Variants in ATP9A observed in about 807,000 individuals in gnomAD.
The protein encoded by ATP9A is ATPase phospholipid transporting 9A.
ATP9A carries 52 observed loss-of-function variants against 144.1 expected under a neutral mutation model. The observed-to-expected ratio is 0.36, with a 90% CI of 0.29 to 0.45. The LOEUF is 0.45. Among genes scored for constraint, ATP9A ranks in the 20% least tolerant of loss-of-function variants. The pLI, the probability that ATP9A is intolerant of heterozygous loss-of-function variation, is 1.00. For missense variants in ATP9A, 947 were observed against 1,392.7 expected (o/e 0.68, Z 5.09); for synonymous variants, 582 against 557.4 (o/e 1.04, Z -0.62).
chr20:51,672,825 T>C (rs1020043868), intron 11 of ATP9A, among the ~76,000 whole-genome samples: 2 of 152,092 alleles, frequency 1.3e-5, no homozygotes, highest in Non-Finnish European at 2.9e-5. Context: ...AGAGCAGCTC[T>C]AAAAAATGAT....
intron 10 of ATP9A, among the ~76,000 whole-genome samples, chr20:51,674,995 A>T (rs1384849365): frequency 6.6e-6 from 1 of 152,074 alleles, no homozygotes; most frequent in Non-Finnish European, 1.5e-5. Context: ...TATTTTTAGT[A>T]GAGACGGAGT....
At chr20:51,689,228 A>C in intron 8 of ATP9A, 89 bp from the exon 9 acceptor site, 1 of 1,317,074 alleles carries the variant, frequency 7.6e-7, no homozygotes, top group Non-Finnish European at 1.1e-6. Flanking sequence ...TGGAGATAGA[A>C]AGACAGGCTC....
chr20:51,759,395 G>A lies in ATP9A; in HGVS notation c.68+8907C>T, dbSNP rs563831018. On this transcript the variant is annotated intron_variant, in intron 1 of 27. Transcript: ENST00000338821. ...GATGTTAAAATGTACACACACGGCCGGGTGCGGTGGCTCATGCCTGTGATC... is the reference window on the plus strand; with the variant it reads ...GATGTTAAAATGTACACACACGGCCAGGTGCGGTGGCTCATGCCTGTGATC... Among the ~76,000 whole-genome samples, 280 of 152,284 alleles carry A rather than the reference G, an allele frequency of 1.8e-3. 2 individuals are homozygous for A. Among genetic ancestry groups the A allele is most frequent in the African/African-American group, 6.3e-3 (264 of 41,580 alleles).
chr20:51,766,507 G>A (rs911202946), intron 1 of ATP9A, among the ~76,000 whole-genome samples: 1 of 152,140 alleles, frequency 6.6e-6, no homozygotes, highest in African/African-American at 2.4e-5. Context: ...CGATGTACCA[G>A]GCACTGTTCC....
intron 4 of ATP9A, among the ~76,000 whole-genome samples, chr20:51,702,959 G>A (rs144637023): frequency 1.6e-4 from 24 of 151,536 alleles, no homozygotes; most frequent in African/African-American, 5.3e-4. Context: ...ACAGGCCTCC[G>A]GCAGGCACAC....
chr20:51,618,153 G>T (rs2077211071), intron 21 of ATP9A, among the ~76,000 whole-genome samples: 1 of 151,862 alleles, frequency 6.6e-6, no homozygotes. Flanking sequence ...CCGGGAGACG[G>T]AGGTTGCAAT....
At chr20:51,637,306 TAAAAAAAAAAA>T (rs3029335) in intron 15 of ATP9A, among the ~76,000 whole-genome samples, 7 of 89,946 alleles carry the variant, frequency 7.8e-5, no homozygotes, top group African/African-American at 1.2e-4. Context: ...TCCCTAACAT[TAAAAAAAAAAA>T]AAAAAAAAAA....
In ATP9A at chr20:51,638,069, TTTTATATATATA is replaced by T. The variant is rs1175543273; in HGVS notation, c.1668+1262_1668+1273del. On this transcript the variant is annotated intron_variant, in intron 15 of 27. Transcript: ENST00000338821. The stretch of plus-strand genomic sequence containing the variant: ...TCCATGGCTAAGTAGCATTTCATCA[TTTTATATATATA>T]TATATATATATATATATATATATAT... 5.0e-3 allele frequency among the ~76,000 whole-genome samples: 368 copies of T among 73,112 alleles called. 32 individuals are homozygous for T. The highest frequency in any genetic ancestry group is 0.04 in the East Asian group (104 of 2,630). The allele number at this position is 73,112 out of a possible 152,430, so 48.0% of individuals were successfully genotyped here.
At chr20:51,643,313 T>G (rs1456019852) in intron 14 of ATP9A, among the ~76,000 whole-genome samples, 1 of 152,228 alleles carries the variant, frequency 6.6e-6, no homozygotes, top group African/African-American at 2.4e-5. Context: ...TTTTAGTTTT[T>G]GGCTACTGGC....
chr20:51,610,908 C>T (rs1159584257), intron 23 of ATP9A, among the ~76,000 whole-genome samples: 1 of 152,166 alleles, frequency 6.6e-6, no homozygotes, highest in East Asian at 1.9e-4. Context: ...TATTTACAAA[C>T]CCTCGCGGAA....
At chr20:51,743,885 T>C (rs1389032637) in intron 1 of ATP9A, among the ~76,000 whole-genome samples, 1 of 151,360 alleles carries the variant, frequency 6.6e-6, no homozygotes, top group Non-Finnish European at 1.5e-5. Flanking sequence ...CAAACACCTG[T>C]AGTCCCAGCT....
At chr20:51,753,488 A>AACAC (rs771682510) in intron 1 of ATP9A, among the ~76,000 whole-genome samples, 1 of 146,426 alleles carries the variant, frequency 6.8e-6, no homozygotes, top group African/African-American at 2.7e-5. Context: ...CAACAACAAC[A>AACAC]AACCCACGTT....
intron 27 of ATP9A, 54 bp from the exon 28 acceptor site, chr20:51,601,401 C>A: frequency 1.3e-6 from 2 of 1,514,756 alleles, no homozygotes; most frequent in Non-Finnish European, 1.8e-6. Flanking sequence ...CCGGAAGGTG[C>A]ATGGGGTCCA....
At chr20:51,755,394 C>T (rs1253703617) in intron 1 of ATP9A, among the ~76,000 whole-genome samples, 1 of 151,920 alleles carries the variant, frequency 6.6e-6, no homozygotes, top group Non-Finnish European at 1.5e-5. Flanking sequence ...AAGAACGCGC[C>T]TCTGCACTCC....
rs114073458 is a variant in ATP9A at position 51,648,042 on chromosome 20, A to G, written c.1507-8538T>C. Among the ~76,000 whole-genome samples, 382 of 152,296 alleles carry G rather than the reference A, an allele frequency of 2.5e-3. 1 individual carries two copies. The highest frequency in any genetic ancestry group is 9.0e-3 in the African/African-American group (372 of 41,556). On this transcript the variant is annotated intron_variant, in intron 14 of 27. Coordinates refer to ENST00000338821, the MANE Select transcript of ATP9A (RefSeq NM_006045.3). ...TCTTTGACCTTACCCCTTGGGTCCA[A>G]GGTCATGGCAACGTGGTGGTAAAAC...
intron 13 of ATP9A, among the ~76,000 whole-genome samples, chr20:51,664,512 T>A (rs2077424408): frequency 6.6e-6 from 1 of 151,930 alleles, no homozygotes; most frequent in Non-Finnish European, 1.5e-5. Context: ...CACCTGAGCC[T>A]GAGGGGTCAA....
At chr20:51,612,071 G>A (rs1369874266) in intron 23 of ATP9A, among the ~76,000 whole-genome samples, 3 of 152,084 alleles carry the variant, frequency 2.0e-5, no homozygotes, top group Non-Finnish European at 2.9e-5. Flanking sequence ...TACTAATCAC[G>A]GTAAGGATGC....
intron 3 of ATP9A, among the ~76,000 whole-genome samples, chr20:51,715,245 A>G (rs1433923351): frequency 6.6e-6 from 1 of 152,216 alleles, no homozygotes; most frequent in Admixed American, 6.5e-5. Context: ...CCCAATGCCC[A>G]TACATCTTTA....
chr20:51,655,248 C>A (rs2077382295), intron 14 of ATP9A, among the ~76,000 whole-genome samples: 1 of 152,014 alleles, frequency 6.6e-6, no homozygotes, highest in Admixed American at 6.6e-5. Flanking sequence ...AAGGAGGATA[C>A]AAACTATATC....
Sources: gnomAD v4.1 joint callset for allele counts (sites outside exome capture counted in the v4.1 genomes callset) on GRCh38, gnomAD v4.1.1 for gene constraint, MANE v1.5 for transcripts, NCBI Gene and HGNC (gene_info 2026-07-23, HGNC 2026-07-21) for gene names.